Variants in RNF24 observed in about 807,000 individuals in gnomAD.
The protein encoded by RNF24 is ring finger protein 24.
A neutral mutation model predicts 20.0 loss-of-function variants in RNF24; 14 were observed. The observed-to-expected ratio is 0.70, with a 90% confidence interval of 0.46 to 1.10. The LOEUF (loss-of-function observed/expected upper bound fraction) is 1.10, where lower values mean the gene tolerates loss of function less well. RNF24 is among the 50% of genes least tolerant of loss of function. RNF24 has a pLI of 0.00. For missense variants in RNF24, 124 were observed against 177.6 expected (o/e 0.70, Z 1.71); for synonymous variants, 45 against 61.1 (o/e 0.74, Z 1.23).
Position 3,934,264 on chromosome 20 carries a change from C to A in RNF24, c.309-63G>T. On this transcript the variant is annotated intron_variant, in intron 5 of 5. Transcript: ENST00000358395. This position sits in a 1 kb window ranked among gnomAD's most constrained non-coding sequence, Gnocchi z 4.0. ...CTATGCTCATGGCACGGCTGTTCTG[C>A]TGAACATCTCCATATCTGTCACCCA... The A allele has an allele frequency of 2.0e-6, 3 of 1,513,736 alleles. No individual in the cohort carries two copies. Among genetic ancestry groups the A allele is most frequent in the Non-Finnish European group, 1.8e-6 (2 of 1,117,124 alleles). 93.8% of individuals were successfully genotyped at this position (1,513,736 alleles called of 1,614,324 possible). A position where few individuals can be genotyped will look rare whatever the true frequency, so the allele number is the denominator to read the frequency against.
chr20:3,997,247 AAAAAG>A (rs1302357271), intron 1 of RNF24, among the ~76,000 whole-genome samples: 4 of 151,606 alleles, frequency 2.6e-5, no homozygotes, highest in Non-Finnish European at 4.4e-5. Flanking sequence ...AAAAAAAAAA[AAAAAG>A]AAATACATTT....
At chr20:3,950,605 C>A (rs1057239986) in intron 2 of RNF24, among the ~76,000 whole-genome samples, 1 of 152,182 alleles carries the variant, frequency 6.6e-6, no homozygotes, top group African/African-American at 2.4e-5. Flanking sequence ...ACTAAGCAAC[C>A]AATGTACCTT....
chr20:4,011,096 G>C (rs1982425878), intron 1 of RNF24, among the ~76,000 whole-genome samples: 1 of 152,158 alleles, frequency 6.6e-6, no homozygotes, highest in Non-Finnish European at 1.5e-5. Flanking sequence ...GAAATGTCAG[G>C]AACACCAGGG....
chr20:3,975,001 T>C (rs532474386), intron 1 of RNF24, among the ~76,000 whole-genome samples: 91 of 152,234 alleles, frequency 6.0e-4, no homozygotes, highest in Non-Finnish European at 1.0e-3. Context: ...GTCTATTCAA[T>C]GTAAGGACTC....
rs986245704 is a variant in RNF24, at chr20:3,996,359, T to C, written c.-8+19078A>G. On this transcript the variant is annotated intron_variant, in intron 1 of 5. Coordinates refer to ENST00000358395, the MANE Select transcript of RNF24 (RefSeq NM_001134337.3). ...AGAATGACATATTCTTTTTAAAATA[T>C]ATATATTTTGTAGAGATCGGATCTT... is the stretch of plus-strand genomic sequence containing the variant. 2.0e-5 allele frequency among the ~76,000 whole-genome samples: 3 copies of C among 152,232 alleles called. 1 individual carries two copies. Among genetic ancestry groups the C allele is most frequent in the Middle Eastern group, 3.2e-3 (1 of 316 alleles).
At position 3,931,382 on chromosome 20, in the gene RNF24, A is replaced by T. The variant is rs1192939883; in HGVS notation, c.*2681T>A. On this transcript the variant is annotated 3_prime_UTR_variant, in exon 6 of 6. Transcript: ENST00000358395. ...CAAGAGAGTTATAAAGGGGTCCCTA[A>T]CTCATTCCTTTTTCAAAATAAATAA... The T allele has an allele frequency of 1.3e-5, 2 of 152,134 alleles. No individual in the cohort carries two copies. The highest frequency in any genetic ancestry group is 2.9e-5 in the Non-Finnish European group (2 of 68,026). The allele number at this position is 152,134 out of a possible 1,614,324, so 9.4% of individuals were successfully genotyped here.
At chr20:3,935,407 G>A (rs1480679073) in intron 4 of RNF24, among the ~76,000 whole-genome samples, 8 of 152,108 alleles carry the variant, frequency 5.3e-5, no homozygotes, top group Admixed American at 5.2e-4. Context: ...TCCCTTTCCT[G>A]GTGTGCCGAA....
rs1042797260 is a variant in RNF24, at chr20:3,931,260, G to A, written c.*2803C>T. 6.6e-6 allele frequency: 1 copy of A among 152,214 alleles called. No homozygotes were observed. Among genetic ancestry groups the A allele is most frequent in the Non-Finnish European group, 1.5e-5 (1 of 68,082 alleles). The allele number at this position is 152,214 out of a possible 1,614,324, so 9.4% of individuals were successfully genotyped here. ...GATACCAGCCAGTGGTCCAAGAGCA[G>A]ACCAGAATCCCCACGCAGCTACACA... is the stretch of plus-strand genomic sequence containing the variant. On this transcript the variant is annotated 3_prime_UTR_variant, in exon 6 of 6. Transcript: ENST00000358395.
chr20:3,948,992 T>A (rs372765575), intron 2 of RNF24, among the ~76,000 whole-genome samples: 1 of 152,248 alleles, frequency 6.6e-6, no homozygotes, highest in African/African-American at 2.4e-5. Flanking sequence ...AGGCTATTAT[T>A]AAAGCTGATA....
At chr20:4,013,104 C>T (rs543460081) in intron 1 of RNF24, among the ~76,000 whole-genome samples, 80 of 151,566 alleles carry the variant, frequency 5.3e-4, no homozygotes, top group Non-Finnish European at 1.0e-3. Context: ...TTATTTAAAT[C>T]ATGCATTAAA....
intron 1 of RNF24, among the ~76,000 whole-genome samples, chr20:3,968,639 T>C (rs961276916): frequency 1.3e-5 from 2 of 152,140 alleles, no homozygotes; most frequent in East Asian, 1.9e-4. Flanking sequence ...TTTTGACATA[T>C]TAGAAGGAAC....
Position 3,928,228 on chromosome 20 carries a change from T to G in RNF24, c.*5835A>C, listed in dbSNP as rs2090755994. 1 of 150,906 alleles carries G rather than the reference T, an allele frequency of 6.6e-6. No individual in the cohort carries two copies. The highest frequency in any genetic ancestry group is 6.6e-5 in the Admixed American group (1 of 15,200). The allele number at this position is 150,906 out of a possible 1,614,324, so 9.3% of individuals were successfully genotyped here. Reference sequence around the variant, plus strand: ...AGAGATTCTACAAATGCCAGAAGAGTGGATGTGATAGAGAATTTTTTCTCA... The same window carrying G: ...AGAGATTCTACAAATGCCAGAAGAGGGGATGTGATAGAGAATTTTTTCTCA... On this transcript the variant is annotated 3_prime_UTR_variant, in exon 6 of 6. Transcript: ENST00000358395.
chr20:3,953,290 TAC>T (rs2091103140), intron 2 of RNF24, among the ~76,000 whole-genome samples: 1 of 152,096 alleles, frequency 6.6e-6, no homozygotes, highest in South Asian at 2.1e-4. Flanking sequence ...TAGCTGGGAC[TAC>T]AGACACCCGC....
chr20:3,934,864 G>A lies in RNF24; in HGVS notation c.308+130C>T. On this transcript the variant is annotated intron_variant, in intron 5 of 5. Transcript: ENST00000358395. This position sits in a 1 kb window ranked among gnomAD's most constrained non-coding sequence, Gnocchi z 4.0. ...ACACACATCCCACCTGTAGGGTGCTGTCAGCTTTCTGCATTACAGACCAAT... is the reference window on the plus strand; with the variant it reads ...ACACACATCCCACCTGTAGGGTGCTATCAGCTTTCTGCATTACAGACCAAT... 1 of 692,910 alleles carries A rather than the reference G, an allele frequency of 1.4e-6. No homozygotes were observed. The highest frequency in any genetic ancestry group is 2.6e-6 in the Non-Finnish European group (1 of 386,780). The allele number at this position is 692,910 out of a possible 1,614,324, so 42.9% of individuals were successfully genotyped here.
At chr20:3,941,105 T>C (rs189044424) in intron 4 of RNF24, among the ~76,000 whole-genome samples, 3 of 152,326 alleles carry the variant, frequency 2.0e-5, no homozygotes, top group East Asian at 3.9e-4. Flanking sequence ...CTTGGCTCAC[T>C]GTAGCGTCGA....
chr20:4,009,564 T>C lies in RNF24; in HGVS notation c.-8+5873A>G, dbSNP rs1328882161. 2.0e-5 allele frequency among the ~76,000 whole-genome samples: 3 copies of C among 152,068 alleles called. No homozygotes were observed. In the East Asian group the frequency reaches 5.8e-4, roughly 29 times the overall value. ...TTGGGGGGAAGATGAGTGGTTTCTG[T>C]CTGATATCTCCTAAACCCTCAATGA... On this transcript the variant is annotated intron_variant, in intron 1 of 5. Transcript: ENST00000358395.
chr20:3,934,986 A>G lies in RNF24; in HGVS notation c.308+8T>C. On this transcript the variant is annotated splice_region_variant and intron_variant, in intron 5 of 5. Coordinates refer to ENST00000358395, the MANE Select transcript of RNF24 (RefSeq NM_001134337.3). This position sits in a 1 kb window ranked among gnomAD's most constrained non-coding sequence, Gnocchi z 4.0. Reference sequence around the variant, plus strand: ...GGTCCCATTAAGTAATTCCATACCAATACTTACTTTCTGTGGAAGGCGTGC... The same window carrying G: ...GGTCCCATTAAGTAATTCCATACCAGTACTTACTTTCTGTGGAAGGCGTGC... The G allele has an allele frequency of 6.2e-7, 1 of 1,611,644 alleles. No individual in the cohort carries two copies. Among genetic ancestry groups the G allele is most frequent in the Non-Finnish European group, 8.5e-7 (1 of 1,177,778 alleles).
chr20:3,988,884 GGT>G (rs1264352973), intron 1 of RNF24, among the ~76,000 whole-genome samples: 4 of 152,054 alleles, frequency 2.6e-5, no homozygotes, highest in South Asian at 2.1e-4. Context: ...ATTATTTGCA[GGT>G]GACGGTAAAA....
rs1555792714 is a variant in RNF24 at position 3,930,365 on chromosome 20, T to TATCA, written c.*3694_*3697dup. 6 of 152,236 alleles carry TATCA rather than the reference T, an allele frequency of 3.9e-5. No individual in the cohort carries two copies. Among genetic ancestry groups the TATCA allele is most frequent in the African/African-American group, 4.8e-5 (2 of 41,446 alleles). The allele number at this position is 152,236 out of a possible 1,614,324, so 9.4% of individuals were successfully genotyped here. A position where few individuals can be genotyped will look rare whatever the true frequency, so the allele number is the denominator to read the frequency against. The stretch of plus-strand genomic sequence containing the variant: ...AGCTTTTTGGCTGAGGTTCTGTTCC[T>TATCA]ATCAATCATGATGGCAGAGGAGCCC... On this transcript the variant is annotated 3_prime_UTR_variant, in exon 6 of 6. Transcript: ENST00000358395.
Sources: gnomAD v4.1 joint callset for allele counts (sites outside exome capture counted in the v4.1 genomes callset) on GRCh38, gnomAD v4.1.1 for gene constraint, Gnocchi (gnomAD v3.1) non-coding constraint, MANE v1.5 for transcripts, NCBI Gene and HGNC (gene_info 2026-07-23, HGNC 2026-07-21) for gene names.